The following ROR1 variants were observed in gnomAD, a reference collection of about 807,000 sequenced individuals.
ROR1 encodes ROR family WNT receptor 1.
ROR1 carries 19 observed loss-of-function variants against 78.8 expected under a neutral mutation model. The ratio of observed to expected loss-of-function variants is 0.24; its 90% CI spans 0.17 to 0.35. The LOEUF (loss-of-function observed/expected upper bound fraction) is 0.35. ROR1 is among the 10% of genes least tolerant of loss of function. The probability of loss-of-function intolerance (pLI) is 1.00; values close to 1 mark genes in which losing one functional copy is unlikely to be tolerated. For synonymous variants in ROR1, 386 were observed against 433.6 expected, an observed-to-expected ratio of 0.89 and a Z score of 1.36; for missense variants, 917 against 1,177.8, an observed-to-expected ratio of 0.78 and a Z score of 3.24.
At chr1:63,888,827 A>G (rs531862849) in intron 1 of ROR1, among the ~76,000 whole-genome samples, 1 of 152,292 alleles carries the variant, frequency 6.6e-6, no homozygotes, top group Admixed American at 6.5e-5. Context: ...AGCATTTGAC[A>G]TATATTATTT....
At chr1:64,107,587 T>TG (rs1236547562) in intron 4 of ROR1, among the ~76,000 whole-genome samples, 1 of 152,164 alleles carries the variant, frequency 6.6e-6, no homozygotes. Flanking sequence ...GGGGTCTTTT[T>TG]TTTAAGTCAA....
intron 1 of ROR1, among the ~76,000 whole-genome samples, chr1:63,837,933 A>G (rs1645028224): frequency 6.6e-6 from 1 of 152,186 alleles, no homozygotes; most frequent in African/African-American, 2.4e-5. Context: ...CAGCGTTAGA[A>G]CTGCATATAA....
At chr1:64,030,090 C>T (rs760979903) in intron 2 of ROR1, among the ~76,000 whole-genome samples, 10 of 152,118 alleles carry the variant, frequency 6.6e-5, no homozygotes, top group South Asian at 6.2e-4. Context: ...TACTTAAGCT[C>T]CTTGAAGTTA....
intron 4 of ROR1, among the ~76,000 whole-genome samples, chr1:64,128,934 G>A (rs1187436325): frequency 6.6e-6 from 1 of 152,124 alleles, no homozygotes; most frequent in Non-Finnish European, 1.5e-5. Context: ...TTGAAACAGA[G>A]GAGGAACAGG....
At chr1:63,947,554 T>C (rs1645900268) in intron 1 of ROR1, among the ~76,000 whole-genome samples, 1 of 152,152 alleles carries the variant, frequency 6.6e-6, no homozygotes, top group Non-Finnish European at 1.5e-5. Context: ...ACCTGTAATG[T>C]ATGTACCAGC....
intron 1 of ROR1, among the ~76,000 whole-genome samples, chr1:63,975,119 A>C (rs1169911924): frequency 6.6e-6 from 1 of 152,218 alleles, no homozygotes; most frequent in East Asian, 1.9e-4. Context: ...ACTGCTCTAC[A>C]GTGGCCCAAC....
chr1:63,843,332 G>T, intron 1 of ROR1: 1 of 1,076,622 alleles, frequency 9.3e-7, no homozygotes, highest in East Asian at 2.5e-5. Context: ...CGTCCTTGGA[G>T]CTGGCATAGA....
chr1:64,131,947 G>A (rs1648927201), intron 4 of ROR1, among the ~76,000 whole-genome samples: 1 of 152,138 alleles, frequency 6.6e-6, no homozygotes, highest in South Asian at 2.1e-4. Flanking sequence ...AAATGAATAA[G>A]TCAATAGTAG....
At chr1:63,815,471 TTCTTTTCTTTTTC>T (rs1442310359) in intron 1 of ROR1, among the ~76,000 whole-genome samples, 8 of 130,452 alleles carry the variant, frequency 6.1e-5, no homozygotes, top group African/African-American at 3.2e-4. Context: ...TTCTTTTCTT[TTCTTTTCTTTTTC>T]TTTTTTTTTT....
intron 1 of ROR1, among the ~76,000 whole-genome samples, chr1:63,802,946 A>T (rs1010722442): frequency 6.6e-5 from 10 of 152,368 alleles, no homozygotes; most frequent in South Asian, 4.1e-4. Context: ...CAGTAAATCC[A>T]AAATATCATC....
intron 4 of ROR1, among the ~76,000 whole-genome samples, chr1:64,068,440 A>C (rs548491019): frequency 1.3e-5 from 2 of 152,332 alleles, no homozygotes; most frequent in East Asian, 3.9e-4. Context: ...ACTATTCTAC[A>C]GTCAATCAGC....
At chr1:63,953,394 T>C (rs1645956003) in intron 1 of ROR1, among the ~76,000 whole-genome samples, 1 of 152,214 alleles carries the variant, frequency 6.6e-6, no homozygotes, top group Non-Finnish European at 1.5e-5. Flanking sequence ...TACACATGTG[T>C]ACCTATGACA....
intron 1 of ROR1, among the ~76,000 whole-genome samples, chr1:63,915,406 G>T (rs1315473382): frequency 7.9e-5 from 12 of 152,212 alleles, no homozygotes; most frequent in Admixed American, 7.2e-4. Context: ...AAGAGGCTTT[G>T]TGGAGAGAGC....
chr1:63,953,478 C>A (rs1645956755), intron 1 of ROR1, among the ~76,000 whole-genome samples: 1 of 152,152 alleles, frequency 6.6e-6, no homozygotes, highest in South Asian at 2.1e-4. Context: ...CAGTCATGAT[C>A]CCTCTCTCTC....
At chr1:64,069,543 C>T (rs1264932215) in intron 4 of ROR1, among the ~76,000 whole-genome samples, 1 of 137,146 alleles carries the variant, frequency 7.3e-6, no homozygotes, top group African/African-American at 3.2e-5. Context: ...TGTGTGTACA[C>T]GTGTTCATGT....
intron 1 of ROR1, among the ~76,000 whole-genome samples, chr1:63,928,161 C>G (rs139397804): frequency 1.4e-4 from 21 of 152,302 alleles, no homozygotes; most frequent in African/African-American, 4.8e-4. Flanking sequence ...TTGGCAATCG[C>G]AAGCTCCATA....
intron 1 of ROR1, among the ~76,000 whole-genome samples, chr1:63,930,853 A>G (rs938534897): frequency 6.6e-6 from 1 of 152,200 alleles, no homozygotes; most frequent in Non-Finnish European, 1.5e-5. Flanking sequence ...TGAAATGTTA[A>G]TAACTATGGC....
At chr1:64,051,469 AAATAAAAT>A (rs1646830766) in intron 4 of ROR1, among the ~76,000 whole-genome samples, 3 of 141,102 alleles carry the variant, frequency 2.1e-5, no homozygotes, top group South Asian at 4.2e-4. Context: ...AAATAAAATA[AAATAAAAT>A]AAAATAAAAT....
chr1:63,874,831 C>A (rs2100364452), intron 1 of ROR1, among the ~76,000 whole-genome samples: 1 of 152,232 alleles, frequency 6.6e-6, no homozygotes, highest in South Asian at 2.1e-4. Flanking sequence ...TCCACATTTT[C>A]TCTCCTTCTT....
Sources: allele counts gnomAD v4.1 joint callset (sites outside exome capture counted in the v4.1 genomes callset), GRCh38; gene constraint gnomAD v4.1.1; transcripts MANE v1.5; gene names NCBI Gene and HGNC (gene_info 2026-07-23, HGNC 2026-07-21).